The following TGIF1 variants were observed in gnomAD, a reference collection of about 807,000 sequenced individuals.
TGIF1 encodes homeobox protein TGIF1.
Under a neutral mutation model 19.3 loss-of-function variants are expected in TGIF1, and 4 were observed. The observed-to-expected ratio is 0.21, with a 90% CI of 0.10 to 0.47. TGIF1 has a LOEUF of 0.47. Among genes scored for constraint, TGIF1 ranks in the 20% least tolerant of loss-of-function variants. TGIF1 has a pLI of 0.98. For synonymous variants in TGIF1, 122 were observed against 129.3 expected, an observed-to-expected ratio of 0.94 and a Z score of 0.38; for missense variants, 275 against 341.4, an observed-to-expected ratio of 0.81 and a Z score of 1.53.
intron 2 of TGIF1, among the ~76,000 whole-genome samples, chr18:3,434,647 G>A (rs957697247): frequency 6.6e-6 from 1 of 152,200 alleles, no homozygotes; most frequent in Non-Finnish European, 1.5e-5. Context: ...CCCAAGAAGC[G>A]CAGGCTGCAG....
rs371759253 is a variant in TGIF1, at chr18:3,457,448, A to G, written c.327A>G (p.Thr109=). ...RKDGKDPNQF[T]ISRRGAKISE... is the part of the protein sequence containing the mutation. ...ATGGCAAAGATCCAAATCAGTTCACAATTTCCCGCCGTGGGGCCAAGATTT... is the reference window on the plus strand; with the variant it reads ...ATGGCAAAGATCCAAATCAGTTCACGATTTCCCGCCGTGGGGCCAAGATTT... Residue 109 remains threonine (T), a synonymous_variant, in exon 3 of 3, where the codon ACA becomes ACG. Coordinates refer to ENST00000343820, the MANE Select transcript of TGIF1 (RefSeq NM_003244.4). The surrounding 1 kb of genome is among the most constrained non-coding windows in gnomAD (Gnocchi z 4.9). 13 of 1,614,098 alleles carry G rather than the reference A, an allele frequency of 8.1e-6. No homozygotes were observed. Among genetic ancestry groups the G allele is most frequent in the Admixed American group, 6.7e-5 (4 of 60,010 alleles).
intron 2 of TGIF1, among the ~76,000 whole-genome samples, chr18:3,429,745 G>A (rs1161079763): frequency 6.6e-6 from 1 of 152,230 alleles, no homozygotes; most frequent in Non-Finnish European, 1.5e-5. Flanking sequence ...GCATTTTAAT[G>A]TTAACACCAC....
chr18:3,422,940 C>T (rs1309085423), intron 2 of TGIF1, among the ~76,000 whole-genome samples: 4 of 152,076 alleles, frequency 2.6e-5, no homozygotes, highest in South Asian at 2.1e-4. Context: ...CCACCTGCCT[C>T]GGCCTCCCAA....
intron 2 of TGIF1, among the ~76,000 whole-genome samples, chr18:3,438,596 A>AACACACACACACACACAC (rs56864804): frequency 0.072 from 9,836 of 135,894 alleles, 516 homozygotes; most frequent in East Asian, 0.1. Flanking sequence ...CATACACACA[A>AACACACACACACACACAC]ACACACACAC....
rs1394986102 is a variant in TGIF1 at position 3,450,965 on chromosome 18, CCCCCCG to C, written c.16+475_16+480del. Among the ~76,000 whole-genome samples, 9 of 143,888 alleles carry C rather than the reference CCCCCCG, an allele frequency of 6.3e-5. No individual in the cohort carries two copies. In the South Asian group the frequency reaches 7.1e-4, roughly 11 times the overall value. 94.4% of individuals were successfully genotyped at this position (143,888 alleles called of 152,430 possible). Reference sequence around the variant, plus strand: ...TGTCTGAAAGTTCCACTCCTAGGCTCCCCCCGCCCCCGCCCCCGCCGCCCCCCTACT... The same window carrying C: ...TGTCTGAAAGTTCCACTCCTAGGCTCCCCCCGCCCCCGCCGCCCCCCTACT... On this transcript the variant is annotated intron_variant, in intron 1 of 2. Transcript: ENST00000343820.
upstream of TGIF1, among the ~76,000 whole-genome samples, chr18:3,446,332 C>T (rs567834942): frequency 9.2e-5 from 14 of 152,196 alleles, no homozygotes; most frequent in East Asian, 5.8e-4. Flanking sequence ...TACAGTCACA[C>T]GCCACCACGC....
In TGIF1 at chr18:3,457,112, G is replaced by A. The variant is rs767659766; in HGVS notation, c.244-253G>A. On this transcript the variant is annotated intron_variant, in intron 2 of 2. Coordinates refer to ENST00000343820, the MANE Select transcript of TGIF1 (RefSeq NM_003244.4). The surrounding 1 kb of genome is among the most constrained non-coding windows in gnomAD (Gnocchi z 4.9). Reference sequence around the variant, plus strand: ...TTTGAGATTGTATGTCTTTTTCTTCGTCCTGAAAAGGTTTAAGTATGAAGA... The same window carrying A: ...TTTGAGATTGTATGTCTTTTTCTTCATCCTGAAAAGGTTTAAGTATGAAGA... 243 of 582,848 alleles carry A rather than the reference G, an allele frequency of 4.2e-4. 2 individuals are homozygous for A. Among genetic ancestry groups the A allele is most frequent in the South Asian group, 4.1e-3 (194 of 47,420 alleles). 36.1% of individuals were successfully genotyped at this position (582,848 alleles called of 1,614,324 possible).
In TGIF1 at chr18:3,426,195, G is replaced by T. The variant is rs564175896; in HGVS notation, c.-45+7980G>T. 1.2e-4 allele frequency among the ~76,000 whole-genome samples: 16 copies of T among 132,906 alleles called. No homozygotes were observed. In the South Asian group the frequency reaches 3.6e-3, roughly 30 times the overall value. The allele number at this position is 132,906 out of a possible 152,430, so 87.2% of individuals were successfully genotyped here. A position where few individuals can be genotyped will look rare whatever the true frequency, so the allele number is the denominator to read the frequency against. On this transcript the variant is annotated intron_variant, in intron 2 of 3. Coordinates refer to the TGIF1 transcript ENST00000401449. ...TTTTTTTTTTTTTTTTTGAGACAGG[G>T]TCTTGCTCTGTTGCCCAGGCTGGAG...
chr18:3,450,379 A>C lies in TGIF1; in HGVS notation c.-111A>C, dbSNP rs539433791. 1.8e-5 allele frequency: 28 copies of C among 1,538,962 alleles called. No homozygotes were observed. In the South Asian group the frequency reaches 2.8e-4, roughly 15 times the overall value. ...AGCAATAACGGCTGGAGCACGTCCT[A>C]CAAGTTACGGGAGAGTCGGCTGTGA... is the stretch of plus-strand genomic sequence containing the variant. On this transcript the variant is annotated 5_prime_UTR_variant, in exon 1 of 3. Transcript: ENST00000343820.
intron 2 of TGIF1, among the ~76,000 whole-genome samples, chr18:3,425,830 C>A (rs538115999): frequency 6.6e-6 from 1 of 152,260 alleles, no homozygotes; most frequent in Admixed American, 6.5e-5. Context: ...ATGCCATGGG[C>A]TCAGTGGATT....
At chr18:3,452,300 G>T in intron 1 of TGIF1, 1 of 1,612,512 alleles carries the variant, frequency 6.2e-7, no homozygotes, top group Non-Finnish European at 8.5e-7. Context: ...CCCGCCGGCC[G>T]CATCGGTGGG....
At chr18:3,430,094 T>A (rs191240942) in intron 2 of TGIF1, among the ~76,000 whole-genome samples, 1 of 152,324 alleles carries the variant, frequency 6.6e-6, no homozygotes, top group East Asian at 1.9e-4. Context: ...AGGCAGGGGT[T>A]GCAGTGAGCT....
At chr18:3,422,695 T>G (rs1350577090) in intron 2 of TGIF1, among the ~76,000 whole-genome samples, 2,441 of 139,950 alleles carry the variant, frequency 0.017, 148 homozygotes, top group Admixed American at 0.036. Context: ...TTTTTTTTTT[T>G]TTTTTTTTTT....
At chr18:3,450,010 C>T, upstream of TGIF1, 2 of 990,276 alleles carry the variant, frequency 2.0e-6, no homozygotes, top group Non-Finnish European at 2.4e-6. Context: ...GTCCGCACCG[C>T]CGCCCCCGAG....
At chr18:3,453,759 T>G in intron 1 of TGIF1, 4 of 981,334 alleles carry the variant, frequency 4.1e-6, no homozygotes, top group Non-Finnish European at 4.8e-6. Flanking sequence ...CCTCAGGCCA[T>G]GTTGTGGCTT....
rs2082910249 is a variant in TGIF1, at chr18:3,451,104, C to G, written c.16+599C>G. ...CTCGGGTGTAAACAGCTTTGGAAAG[C>G]TAGACTTTTACAAATCCCCAGTCTC... On this transcript the variant is annotated intron_variant, in intron 1 of 2. Coordinates refer to ENST00000343820, the MANE Select transcript of TGIF1 (RefSeq NM_003244.4). The surrounding 1 kb of genome is among the most constrained non-coding windows in gnomAD (Gnocchi z 5.4). Among the ~76,000 whole-genome samples the G allele has an allele frequency of 6.6e-6, 1 of 151,976 alleles. No individual in the cohort carries two copies. Among genetic ancestry groups the G allele is most frequent in the Non-Finnish European group, 1.5e-5 (1 of 67,984 alleles).
At chr18:3,452,304 C>T in intron 1 of TGIF1, 1 of 1,612,732 alleles carries the variant, frequency 6.2e-7, no homozygotes, top group African/African-American at 1.3e-5. Flanking sequence ...CCGGCCGCAT[C>T]GGTGGGAACT....
upstream of TGIF1, among the ~76,000 whole-genome samples, chr18:3,445,184 T>G (rs2082724192): frequency 6.6e-6 from 1 of 152,116 alleles, no homozygotes; most frequent in South Asian, 2.1e-4. Flanking sequence ...CAGCGAAGAC[T>G]CCTCTAAGAA....
chr18:3,455,981 C>G, intron 1 of TGIF1: 1 of 350,080 alleles, frequency 2.9e-6, no homozygotes, highest in Non-Finnish European at 5.5e-6. Context: ...GGTTGGTAGG[C>G]ATATTCCAAC....
Sources: allele counts gnomAD v4.1 joint callset (sites outside exome capture counted in the v4.1 genomes callset), GRCh38; gene constraint gnomAD v4.1.1; non-coding constraint Gnocchi (gnomAD v3.1); transcripts MANE v1.5; gene names NCBI Gene and HGNC (gene_info 2026-07-23, HGNC 2026-07-21).